DMD: variants seen among roughly 807,000 people sequenced by gnomAD.
DMD encodes dystrophin.
DMD carries 63 observed loss-of-function variants against 330.1 expected under a neutral mutation model. The observed-to-expected ratio is 0.19, with a 90% confidence interval of 0.16 to 0.24. The LOEUF (loss-of-function observed/expected upper bound fraction) is 0.24. Ranked by LOEUF, DMD falls within the 10% of genes least tolerant of loss-of-function variation. DMD has a pLI of 1.00. For missense variants in DMD, 3,344 were observed against 2,684.1 expected (o/e 1.25, Z -5.43); for synonymous variants, 1,223 against 959.8 (o/e 1.27, Z -5.07).
chrX:32,715,015 T>A (rs1286403698), intron 7 of DMD, among the ~76,000 whole-genome samples: 2 of 111,491 alleles, frequency 1.8e-5, no homozygotes, highest in East Asian at 5.7e-4. Flanking sequence ...CTATTAACTA[T>A]AATCCTCATG....
intron 12 of DMD, among the ~76,000 whole-genome samples, chrX:32,599,199 C>T (rs1346157378): frequency 2.7e-5 from 3 of 111,919 alleles, no homozygotes; most frequent in Middle Eastern, 4.6e-3. Context: ...GTGAATATAA[C>T]TGTATTAGCT....
At chrX:32,718,230 T>C (rs2065923442) in intron 7 of DMD, among the ~76,000 whole-genome samples, 1 of 111,448 alleles carries the variant, frequency 9.0e-6, no homozygotes, top group African/African-American at 3.3e-5. Context: ...ATCCCCAATA[T>C]TGAATGAGGC....
chrX:32,275,037 C>A (rs2097380452), intron 43 of DMD, among the ~76,000 whole-genome samples: 1 of 111,490 alleles, frequency 9.0e-6, no homozygotes, highest in Admixed American at 9.6e-5. Context: ...CAATCACTCT[C>A]TCAGTGGTGT....
intron 2 of DMD, among the ~76,000 whole-genome samples, chrX:32,860,894 T>A (rs764208309): frequency 4.5e-5 from 5 of 111,793 alleles, no homozygotes; most frequent in Non-Finnish European, 9.4e-5. Context: ...TGGTTTTGTA[T>A]TTTGAGTTAG....
chrX:32,556,116 A>G (rs1259130584), intron 16 of DMD, among the ~76,000 whole-genome samples: 3 of 112,220 alleles, frequency 2.7e-5, no homozygotes, highest in Non-Finnish European at 5.6e-5. Flanking sequence ...CAAATTTACA[A>G]GAAAAAAACA....
In DMD at chrX:32,545,358, G is replaced by A. The variant is rs1205774443; in HGVS notation, c.1993-24C>T. The stretch of plus-strand genomic sequence containing the variant: ...ATCTGTGAGAAGTATTGAAACAGAG[G>A]TCAGACATTGCTAGAAAGACTTCAG... On this transcript the variant is annotated intron_variant, in intron 16 of 78. Transcript: ENST00000357033. 5.8e-6 allele frequency: 7 copies of A among 1,198,083 alleles called. No individual in the cohort carries two copies. The East Asian group carries it at 2.1e-4, about 35-fold the overall frequency.
chrX:32,298,649 C>A (rs965253954), intron 42 of DMD, among the ~76,000 whole-genome samples: 1 of 110,653 alleles, frequency 9.0e-6, no homozygotes, highest in Non-Finnish European at 1.9e-5. Context: ...CCTTTCCAGA[C>A]CTCTTTTCTT....
At chrX:31,207,371 A>C (rs1385280833) in intron 65 of DMD, among the ~76,000 whole-genome samples, 1 of 82,359 alleles carries the variant, frequency 1.2e-5, no homozygotes, top group Admixed American at 1.4e-4. Flanking sequence ...AACTGAAATA[A>C]AGCATTTCAC....
chrX:33,280,856 C>A (rs1343867205), intron 1 of DMD, among the ~76,000 whole-genome samples: 1 of 111,923 alleles, frequency 8.9e-6, no homozygotes, highest in East Asian at 2.8e-4. Flanking sequence ...ACTTTAACAA[C>A]AGTAAGAGTG....
At chrX:32,097,835 G>A (rs1934187210) in intron 44 of DMD, among the ~76,000 whole-genome samples, 1 of 111,825 alleles carries the variant, frequency 8.9e-6, no homozygotes, top group Non-Finnish European at 1.9e-5. Flanking sequence ...AAAAACTGCT[G>A]AAGCTAGGGC....
In DMD at chrX:32,653,904, T is replaced by C. The variant is rs189184039; in HGVS notation, c.961-8752A>G. On this transcript the variant is annotated intron_variant, in intron 9 of 78. Transcript: ENST00000357033. ...TTGCAAGTTGGATTCCTAGGTATTT[T>C]ATTCTCTTTGAAGCAATTGTGAATG... 5.0e-4 allele frequency among the ~76,000 whole-genome samples: 56 copies of C among 112,038 alleles called. No individual in the cohort carries two copies. In the Middle Eastern group the frequency reaches 0.014, roughly 28 times the overall value.
intron 9 of DMD, among the ~76,000 whole-genome samples, chrX:32,669,464 G>T (rs943869968): frequency 8.9e-6 from 1 of 111,734 alleles, no homozygotes; most frequent in African/African-American, 3.3e-5. Context: ...CAGATAGATA[G>T]ATCGATCAAC....
chrX:32,951,014 A>G (rs961203161), intron 2 of DMD, among the ~76,000 whole-genome samples: 1 of 111,431 alleles, frequency 9.0e-6, no homozygotes, highest in African/African-American at 3.3e-5. Flanking sequence ...CATGCCCCCA[A>G]CTATTTGCCA....
Position 32,453,341 on chromosome X carries a change from T to G in DMD, c.3603+1321A>C, listed in dbSNP as rs1228728765. Among the ~76,000 whole-genome samples, 14 of 110,713 alleles carry G rather than the reference T, an allele frequency of 1.3e-4. No homozygotes were observed. In the Admixed American group the frequency reaches 1.3e-3, roughly 11 times the overall value. On this transcript the variant is annotated intron_variant, in intron 26 of 78. Coordinates refer to ENST00000357033, the MANE Select transcript of DMD (RefSeq NM_004006.3). The stretch of plus-strand genomic sequence containing the variant: ...TGCTAGATTAGAATAATTCTGTGTT[T>G]TTAATACTCTAGAAATGATTATACT...
At chrX:32,740,966 T>C (rs10522013) in intron 7 of DMD, among the ~76,000 whole-genome samples, 18,550 of 110,968 alleles carry the variant, frequency 0.17, 1,839 homozygotes, top group African/African-American at 0.37. Context: ...AGCATGCTGT[T>C]GTATGAAGAT....
chrX:32,984,201 C>T (rs1467214982), intron 2 of DMD, among the ~76,000 whole-genome samples: 1 of 112,027 alleles, frequency 8.9e-6, no homozygotes, highest in African/African-American at 3.2e-5. Context: ...AAGTGATCAC[C>T]AGAGACACAT....
chrX:32,580,825 T>A (rs774908125), intron 13 of DMD, among the ~76,000 whole-genome samples: 1 of 111,572 alleles, frequency 9.0e-6, no homozygotes, highest in East Asian at 2.8e-4. Context: ...CCAATAGGTA[T>A]CCTTTTTTTC....
At chrX:32,736,066 A>C (rs1409776288) in intron 7 of DMD, among the ~76,000 whole-genome samples, 2 of 112,156 alleles carry the variant, frequency 1.8e-5, no homozygotes, top group African/African-American at 6.5e-5. Flanking sequence ...AAACAAATTT[A>C]CAAGAAAAAA....
intron 2 of DMD, among the ~76,000 whole-genome samples, chrX:32,868,490 C>G (rs1220590827): frequency 1.8e-5 from 2 of 112,002 alleles, no homozygotes; most frequent in Non-Finnish European, 3.8e-5. Context: ...TACCGGCTTA[C>G]TGAGAGGACT....
Sources: gnomAD v4.1 joint callset for allele counts (sites outside exome capture counted in the v4.1 genomes callset) on GRCh38, gnomAD v4.1.1 for gene constraint, MANE v1.5 for transcripts, NCBI Gene and HGNC (gene_info 2026-07-23, HGNC 2026-07-21) for gene names.